The following USP7 variants were observed in gnomAD, a reference collection of about 807,000 sequenced individuals.
The protein encoded by USP7 is ubiquitin C-terminal hydrolase 7.
In USP7, 9 loss-of-function variants were observed where a neutral mutation model predicts 162.9. That is an observed-to-expected ratio of 0.06 (90% confidence interval 0.03 to 0.10). The LOEUF (loss-of-function observed/expected upper bound fraction) is 0.10, where lower values mean the gene tolerates loss of function less well. USP7 is among the 10% of genes least tolerant of loss of function. The pLI, the probability that USP7 is intolerant of heterozygous loss-of-function variation, is 1.00. For synonymous variants in USP7, 562 were observed against 475.9 expected (o/e 1.18, Z -2.35); for missense variants, 715 against 1,373.7 (o/e 0.52, Z 7.58).
At chr16:8,919,423 T>G (rs1897554224) in intron 5 of USP7, among the ~76,000 whole-genome samples, 1 of 152,118 alleles carries the variant, frequency 6.6e-6, no homozygotes, top group Admixed American at 6.6e-5. Context: ...AACGGAGACC[T>G]GCATGCTCAC....
Position 8,919,273 on chromosome 16 carries a change from A to G in USP7, c.612-134T>C, listed in dbSNP as rs113120899. The G allele has an allele frequency of 3.3e-5, 26 of 779,368 alleles. No individual in the cohort carries two copies. In the African/African-American group the frequency reaches 3.4e-4, roughly 10 times the overall value. 48.3% of individuals were successfully genotyped at this position (779,368 alleles called of 1,614,324 possible). ...AACACTTATCACACAGCATCCTTCA[A>G]TGGTCACCGATTCCCTTCTGCTTGC... On this transcript the variant is annotated intron_variant, in intron 5 of 30. Coordinates refer to ENST00000344836, the MANE Select transcript of USP7 (RefSeq NM_003470.3).
chr16:8,901,530 G>C lies in USP7; in HGVS notation c.2048-296C>G, dbSNP rs573444762. Among the ~76,000 whole-genome samples, 5 of 152,292 alleles carry C rather than the reference G, an allele frequency of 3.3e-5. No homozygotes were observed. The East Asian group carries it at 9.6e-4, about 29-fold the overall frequency. On this transcript the variant is annotated intron_variant, in intron 18 of 30. Coordinates refer to ENST00000344836, the MANE Select transcript of USP7 (RefSeq NM_003470.3). ...TTAGAATTCCTAGTTCTGAGACCTGGACTGACTGGCTGGAAGAGCGTTGCC... is the reference window on the plus strand; with the variant it reads ...TTAGAATTCCTAGTTCTGAGACCTGCACTGACTGGCTGGAAGAGCGTTGCC...
chr16:8,895,818 GAAAT>G (rs986112953), intron 26 of USP7, 77 bp from the exon 27 acceptor site: 20 of 940,262 alleles, frequency 2.1e-5, no homozygotes, highest in East Asian at 8.9e-5. Flanking sequence ...TTTCTAGAAA[GAAAT>G]AAAGTTACCA....
rs900727367 is a variant in USP7, at chr16:8,906,845, G to C, written c.1272-263C>G. 3.3e-5 allele frequency among the ~76,000 whole-genome samples: 5 copies of C among 152,204 alleles called. No individual in the cohort carries two copies. The East Asian group carries it at 7.7e-4, about 23-fold the overall frequency. On this transcript the variant is annotated intron_variant, in intron 12 of 30. Transcript: ENST00000344836. The stretch of plus-strand genomic sequence containing the variant: ...AAATGATTCTGAAGGTCGAGGTTAA[G>C]ACTACTAAGGATATCTGCAAACTGA...
intron 8 of USP7, among the ~76,000 whole-genome samples, chr16:8,915,959 C>T (rs966464304): frequency 1.3e-5 from 2 of 152,204 alleles, no homozygotes; most frequent in Non-Finnish European, 2.9e-5. Flanking sequence ...AAAAAGAAAA[C>T]ACACCTTGCC....
intron 1 of USP7, among the ~76,000 whole-genome samples, chr16:8,937,136 G>T (rs8043595): frequency 1.3e-5 from 2 of 151,942 alleles, no homozygotes; most frequent in African/African-American, 4.8e-5. Context: ...CCACACATCA[G>T]TAATCCCAGG....
At chr16:8,900,706 C>A in intron 20 of USP7, 76 bp from the exon 21 acceptor site, 1 of 1,086,046 alleles carries the variant, frequency 9.2e-7, no homozygotes, top group Non-Finnish European at 1.3e-6. Context: ...CTTCCATGTA[C>A]TTAAGTATTT....
chr16:8,962,452 C>T (rs1226091638), intron 1 of USP7: 2 of 447,242 alleles, frequency 4.5e-6, no homozygotes, highest in Admixed American at 4.8e-5. Context: ...AAATTACTGC[C>T]ACATCGGCAG....
At chr16:8,896,318 T>C (rs751786218) in intron 26 of USP7, among the ~76,000 whole-genome samples, 1 of 152,166 alleles carries the variant, frequency 6.6e-6, no homozygotes, top group Non-Finnish European at 1.5e-5. Context: ...TGCATAAACC[T>C]TTCCCACAAG....
intron 1 of USP7, among the ~76,000 whole-genome samples, chr16:8,940,859 A>G (rs11075045): frequency 0.29 from 44,237 of 152,060 alleles, 8,758 homozygotes; most frequent in African/African-American, 0.57. Flanking sequence ...CAGGAGAATC[A>G]CTTATATACA....
intron 1 of USP7, among the ~76,000 whole-genome samples, chr16:8,943,899 G>C (rs1315222294): frequency 6.6e-6 from 1 of 152,034 alleles, no homozygotes. Flanking sequence ...AAAACATTTT[G>C]GTTTTTAAAA....
At chr16:8,923,899 T>C (rs760797849) in intron 2 of USP7, among the ~76,000 whole-genome samples, 1 of 152,212 alleles carries the variant, frequency 6.6e-6, no homozygotes, top group Non-Finnish European at 1.5e-5. Flanking sequence ...AGCTCAGCAC[T>C]GCTCAGAGGC....
rs781139433 is a variant in USP7, at chr16:8,904,579, G to A, written c.1574-14C>T. 2.2e-5 allele frequency: 35 copies of A among 1,613,096 alleles called. No individual in the cohort carries two copies. The highest frequency in any genetic ancestry group is 2.6e-5 in the Non-Finnish European group (31 of 1,179,848). ...GTAAAACTTCACCTGCAGGACAAAG[G>A]CATCCTCTTTGACCCCTGCAGATGG... On this transcript the variant is annotated splice_polypyrimidine_tract_variant and intron_variant, in intron 14 of 30. Coordinates refer to ENST00000344836, the MANE Select transcript of USP7 (RefSeq NM_003470.3).
intron 1 of USP7, among the ~76,000 whole-genome samples, chr16:8,932,345 T>C (rs1898405012): frequency 6.6e-6 from 1 of 152,186 alleles, no homozygotes; most frequent in African/African-American, 2.4e-5. Flanking sequence ...ATGGGAGAAC[T>C]GCTTGAGCCC....
chr16:8,894,197 T>G (rs1567203026), intron 30 of USP7, 93 bp from the exon 31 acceptor site: 1 of 1,198,292 alleles, frequency 8.3e-7, no homozygotes, highest in Non-Finnish European at 1.2e-6. Context: ...TCCCTGTGGC[T>G]CCCCAAGGGG....
intron 11 of USP7, among the ~76,000 whole-genome samples, chr16:8,908,921 C>A (rs1250396969): frequency 6.6e-6 from 1 of 152,248 alleles, no homozygotes; most frequent in African/African-American, 2.4e-5. Context: ...GATGAGTCGG[C>A]AGGATTATAA....
In USP7 at chr16:8,898,352, A is replaced by T. The variant is rs748704352; in HGVS notation, c.2718+8T>A. 1.9e-6 allele frequency: 3 copies of T among 1,597,308 alleles called. No homozygotes were observed. Among genetic ancestry groups the T allele is most frequent in the East Asian group, 4.5e-5 (2 of 44,828 alleles). The stretch of plus-strand genomic sequence containing the variant: ...AAAATTAAAATTCATAGTATTAAAA[A>T]AACTTACCTCTTCCCTAAATTGGCT... On this transcript the variant is annotated splice_region_variant and intron_variant, in intron 25 of 30. Transcript: ENST00000344836.
In USP7 at chr16:8,894,533, G is replaced by GA. The variant is rs543861049; in HGVS notation, c.3202+16_3202+17insT. 7.3e-5 allele frequency: 118 copies of GA among 1,608,856 alleles called. 1 individual carries two copies. Among genetic ancestry groups the GA allele is most frequent in the Middle Eastern group, 2.2e-4 (1 of 4,500 alleles). ...TCTGAAACCCACACCAGCCCCCGGG[G>GA]GGGGGAGAACCCTTACCGGGCTGTG... On this transcript the variant is annotated intron_variant, in intron 30 of 30. Transcript: ENST00000344836.
At chr16:8,933,215 C>T (rs1264176540) in intron 1 of USP7, among the ~76,000 whole-genome samples, 1 of 152,124 alleles carries the variant, frequency 6.6e-6, no homozygotes, top group Non-Finnish European at 1.5e-5. Context: ...GCTGGGATCA[C>T]TCATGAGCCA....
Sources: gnomAD v4.1 joint callset for allele counts (sites outside exome capture counted in the v4.1 genomes callset) on GRCh38, gnomAD v4.1.1 for gene constraint, MANE v1.5 for transcripts, NCBI Gene and HGNC (gene_info 2026-07-23, HGNC 2026-07-21) for gene names.